LRMDA: variants seen among roughly 807,000 people sequenced by gnomAD.
LRMDA encodes the protein leucine rich melanocyte differentiation associated, also known as leucine-rich melanocyte differentiation-associated protein.
A neutral mutation model predicts 29.8 loss-of-function variants in LRMDA; 18 were observed. The ratio of observed to expected loss-of-function variants is 0.60; its 90% CI spans 0.42 to 0.90. The LOEUF is 0.90. Among genes scored for constraint, LRMDA ranks in the 40% least tolerant of loss-of-function variants. The pLI is 0.00. For synonymous variants in LRMDA, 125 were observed against 109.4 expected, an observed-to-expected ratio of 1.14 and a Z score of -0.89; for missense variants, 273 against 273.9, an observed-to-expected ratio of 1.00 and a Z score of 0.02.
intron 2 of LRMDA, among the ~76,000 whole-genome samples, chr10:75,485,922 AT>A (rs1319824684): frequency 6.6e-6 from 1 of 152,052 alleles, no homozygotes; most frequent in African/African-American, 2.4e-5. Flanking sequence ...ATCTCTACCA[AT>A]TCTTTGCTTT....
chr10:76,425,427 T>C (rs1842113687), intron 6 of LRMDA, among the ~76,000 whole-genome samples: 1 of 152,026 alleles, frequency 6.6e-6, no homozygotes, highest in Admixed American at 6.6e-5. Flanking sequence ...TTATTGATTG[T>C]GTGGACTTGG....
At chr10:75,761,236 A>G (rs1484941229) in intron 2 of LRMDA, among the ~76,000 whole-genome samples, 4 of 152,232 alleles carry the variant, frequency 2.6e-5, no homozygotes, top group African/African-American at 9.7e-5. Flanking sequence ...TTATACACCC[A>G]TGTTCATGGC....
intron 2 of LRMDA, among the ~76,000 whole-genome samples, chr10:75,892,735 A>C (rs1845514435): frequency 6.6e-6 from 1 of 152,128 alleles, no homozygotes; most frequent in African/African-American, 2.4e-5. Flanking sequence ...CCTCAGACAA[A>C]TTCCATGTCC....
At chr10:75,609,175 C>G (rs1308239998) in intron 2 of LRMDA, among the ~76,000 whole-genome samples, 1 of 152,148 alleles carries the variant, frequency 6.6e-6, no homozygotes, top group Non-Finnish European at 1.5e-5. Flanking sequence ...ATCAAGGAAT[C>G]AAGCCCAAAG....
rs372741602 is a variant in LRMDA at position 75,739,920 on chromosome 10, AT to A, written c.132-296087del. The stretch of plus-strand genomic sequence containing the variant: ...ATAAAATGACAGAGCTGTTTACAGC[AT>A]GTTGCAAGTTTTATAACTCATGAGG... On this transcript the variant is annotated intron_variant, in intron 2 of 6. Transcript: ENST00000611255. 4.9e-3 allele frequency among the ~76,000 whole-genome samples: 753 copies of A among 152,324 alleles called. 10 individuals carry two copies. The highest frequency in any genetic ancestry group is 0.017 in the African/African-American group (723 of 41,568).
At chr10:75,588,655 C>A (rs980440182) in intron 2 of LRMDA, among the ~76,000 whole-genome samples, 1 of 152,098 alleles carries the variant, frequency 6.6e-6, no homozygotes, top group African/African-American at 2.4e-5. Flanking sequence ...ATAGGTAATA[C>A]TCCCATATGA....
intron 2 of LRMDA, among the ~76,000 whole-genome samples, chr10:75,953,304 C>A (rs1328989154): frequency 1.3e-5 from 2 of 152,118 alleles, no homozygotes; most frequent in African/African-American, 4.8e-5. Context: ...GTCTTGAACT[C>A]CTGGCCTCAA....
intron 6 of LRMDA, among the ~76,000 whole-genome samples, chr10:76,405,924 T>C (rs1317671840): frequency 6.6e-6 from 1 of 152,192 alleles, no homozygotes; most frequent in African/African-American, 2.4e-5. Context: ...AGGGTAACCT[T>C]AGTGCTTGAA....
intron 6 of LRMDA, among the ~76,000 whole-genome samples, chr10:76,409,324 G>A (rs1841934217): frequency 6.6e-6 from 1 of 152,200 alleles, no homozygotes; most frequent in African/African-American, 2.4e-5. Flanking sequence ...GGAATGCTAA[G>A]CTTGTGGGAG....
intron 2 of LRMDA, among the ~76,000 whole-genome samples, chr10:75,633,184 C>T (rs1337038248): frequency 2.6e-5 from 4 of 152,154 alleles, no homozygotes; most frequent in Admixed American, 2.0e-4. Context: ...TCTTTTAGAT[C>T]CTGGCCTGGT....
At chr10:76,138,766 T>G (rs893059857) in intron 5 of LRMDA, among the ~76,000 whole-genome samples, 10 of 152,214 alleles carry the variant, frequency 6.6e-5, no homozygotes, top group African/African-American at 2.4e-4. Flanking sequence ...CTAGAAGTTA[T>G]TACTTTAATC....
At chr10:75,822,757 A>T (rs1353647149) in intron 2 of LRMDA, among the ~76,000 whole-genome samples, 2 of 152,012 alleles carry the variant, frequency 1.3e-5, no homozygotes, top group Non-Finnish European at 2.9e-5. Flanking sequence ...ACAGGGTCTT[A>T]CTCTTTCACC....
At chr10:76,375,815 A>C (rs937058811) in intron 6 of LRMDA, among the ~76,000 whole-genome samples, 4 of 151,294 alleles carry the variant, frequency 2.6e-5, no homozygotes, top group African/African-American at 9.7e-5. Flanking sequence ...AGCATAGTCT[A>C]AAGTTAAATC....
At chr10:76,487,104 G>C (rs973033611) in intron 6 of LRMDA, among the ~76,000 whole-genome samples, 4 of 151,914 alleles carry the variant, frequency 2.6e-5, no homozygotes, top group Admixed American at 6.6e-5. Flanking sequence ...GATGATGAAA[G>C]TGTGGTTCAT....
At chr10:76,004,777 G>T (rs1847619566) in intron 2 of LRMDA, among the ~76,000 whole-genome samples, 1 of 147,486 alleles carries the variant, frequency 6.8e-6, no homozygotes, top group African/African-American at 2.5e-5. Context: ...GCCCAGGCTA[G>T]AGTGCAGTGG....
At chr10:76,460,910 A>AT (rs1842505935) in intron 6 of LRMDA, among the ~76,000 whole-genome samples, 1 of 152,200 alleles carries the variant, frequency 6.6e-6, no homozygotes. Context: ...GTATTCATAG[A>AT]TAAAAACTGC....
intron 2 of LRMDA, among the ~76,000 whole-genome samples, chr10:75,727,988 T>A (rs573591914): frequency 1.3e-5 from 2 of 152,260 alleles, no homozygotes; most frequent in East Asian, 3.9e-4. Context: ...AGAGAACATA[T>A]TTTTTTGAGT....
At chr10:75,476,717 G>C (rs1203366024) in intron 2 of LRMDA, among the ~76,000 whole-genome samples, 1 of 152,082 alleles carries the variant, frequency 6.6e-6, no homozygotes, top group African/African-American at 2.4e-5. Context: ...TGTTTTCCCA[G>C]CTCTTGGTGT....
chr10:75,496,850 A>G (rs1845049878), intron 2 of LRMDA, among the ~76,000 whole-genome samples: 1 of 152,198 alleles, frequency 6.6e-6, no homozygotes, highest in Admixed American at 6.5e-5. Context: ...GTGTATGCAC[A>G]TATGTATATA....
Sources: allele counts gnomAD v4.1 joint callset (sites outside exome capture counted in the v4.1 genomes callset), GRCh38; gene constraint gnomAD v4.1.1; transcripts MANE v1.5; gene names NCBI Gene and HGNC (gene_info 2026-07-23, HGNC 2026-07-21).